The following PAX3 variants were observed in gnomAD, a reference collection of about 807,000 sequenced individuals.
The protein encoded by PAX3 is paired box 3, also known as paired box protein Pax-3.
A neutral mutation model predicts 51.6 loss-of-function variants in PAX3; 14 were observed. That is an observed-to-expected ratio of 0.27 (90% CI 0.18 to 0.42). The LOEUF is 0.42. PAX3 is among the 10% of genes least tolerant of loss of function. The pLI is 1.00. For synonymous variants in PAX3, 280 were observed against 253.4 expected (o/e 1.11, Z -1.00); for missense variants, 540 against 642.8 (o/e 0.84, Z 1.73).
chr2:222,209,648 C>T lies in PAX3; in HGVS notation c.1174-7458G>A, dbSNP rs974237416. Reference sequence around the variant, plus strand: ...GCTGAGGCCAGAGAATGGCTTGAGCCCAGGAGTTCAAGACTAACCTAGTCA... The same window carrying T: ...GCTGAGGCCAGAGAATGGCTTGAGCTCAGGAGTTCAAGACTAACCTAGTCA... On this transcript the variant is annotated intron_variant, in intron 7 of 8. Coordinates refer to ENST00000392070, the MANE Select transcript of PAX3 (RefSeq NM_181458.4). Among the ~76,000 whole-genome samples, 5 of 123,800 alleles carry T rather than the reference C, an allele frequency of 4.0e-5. No individual in the cohort carries two copies. In the East Asian group the frequency reaches 1.4e-3, roughly 34 times the overall value. 81.2% of individuals were successfully genotyped at this position (123,800 alleles called of 152,430 possible). A position where few individuals can be genotyped will look rare whatever the true frequency, so the allele number is the denominator to read the frequency against.
chr2:222,260,620 C>T (rs1341030472), intron 4 of PAX3, among the ~76,000 whole-genome samples: 4 of 105,198 alleles, frequency 3.8e-5, no homozygotes, highest in Non-Finnish European at 7.2e-5. Flanking sequence ...GAGGCAAAGT[C>T]TCTCTCTGTT....
At chr2:222,221,952 G>A (rs758351969) in intron 5 of PAX3, among the ~76,000 whole-genome samples, 1 of 151,598 alleles carries the variant, frequency 6.6e-6, no homozygotes, top group South Asian at 2.1e-4. Context: ...TGATCTCGGT[G>A]GAAATAAATG....
At chr2:222,257,582 A>T (rs1048046283) in intron 4 of PAX3, among the ~76,000 whole-genome samples, 5 of 152,228 alleles carry the variant, frequency 3.3e-5, no homozygotes, top group African/African-American at 1.2e-4. Context: ...GTGTTGAAAA[A>T]GTCATCTAAA....
intron 4 of PAX3, among the ~76,000 whole-genome samples, chr2:222,252,544 T>A (rs2106127975): frequency 6.6e-6 from 1 of 152,292 alleles, no homozygotes; most frequent in East Asian, 1.9e-4. Flanking sequence ...CACATTCCGT[T>A]ACCACCAAAG....
chr2:222,216,805 C>T (rs1691979077), intron 7 of PAX3, among the ~76,000 whole-genome samples: 1 of 152,136 alleles, frequency 6.6e-6, no homozygotes, highest in Middle Eastern at 3.2e-3. Flanking sequence ...GCCCACTCTA[C>T]AATCATTCAC....
chr2:222,240,509 C>T (rs1026120317), intron 4 of PAX3, among the ~76,000 whole-genome samples: 3 of 152,158 alleles, frequency 2.0e-5, no homozygotes, highest in Non-Finnish European at 4.4e-5. Context: ...ACAAGAAAGG[C>T]TTATTTCTCC....
intron 4 of PAX3, among the ~76,000 whole-genome samples, chr2:222,255,704 C>T (rs983237063): frequency 6.6e-6 from 1 of 151,820 alleles, no homozygotes; most frequent in Non-Finnish European, 1.5e-5. Context: ...CGTGATCTGT[C>T]ATATTTAGCA....
chr2:222,255,782 CTT>C (rs71781283), intron 4 of PAX3, among the ~76,000 whole-genome samples: 11,491 of 136,340 alleles, frequency 0.084, 459 homozygotes, highest in East Asian at 0.23. Flanking sequence ...CAATTATATT[CTT>C]TTTTTTTTTT....
chr2:222,216,408 A>G (rs1241909822), intron 7 of PAX3, among the ~76,000 whole-genome samples: 2 of 152,204 alleles, frequency 1.3e-5, no homozygotes, highest in Non-Finnish European at 2.9e-5. Context: ...AGACCCTTTC[A>G]GCAACTTGAG....
intron 4 of PAX3, among the ~76,000 whole-genome samples, chr2:222,268,933 A>G (rs946143117): frequency 6.6e-6 from 1 of 151,888 alleles, no homozygotes; most frequent in Non-Finnish European, 1.5e-5. Context: ...CTACTCCTTT[A>G]TGTATATATG....
intron 5 of PAX3, among the ~76,000 whole-genome samples, chr2:222,229,653 G>A (rs1253115789): frequency 1.3e-5 from 2 of 152,016 alleles, no homozygotes; most frequent in African/African-American, 2.4e-5. Flanking sequence ...ACCTCCATAG[G>A]ATATCCTCAG....
intron 4 of PAX3, among the ~76,000 whole-genome samples, chr2:222,247,250 G>A (rs1220875087): frequency 6.6e-6 from 1 of 152,184 alleles, no homozygotes; most frequent in Non-Finnish European, 1.5e-5. Context: ...GGATGAGAGT[G>A]TGAATGGCTG....
intron 4 of PAX3, chr2:222,287,226 G>A (rs1324315682): frequency 6.6e-6 from 1 of 152,168 alleles, no homozygotes; most frequent in East Asian, 1.9e-4. Context: ...TGGCCATTAG[G>A]GGATTAGTCT....
At chr2:222,253,992 C>T (rs1281809988) in intron 4 of PAX3, among the ~76,000 whole-genome samples, 2 of 152,160 alleles carry the variant, frequency 1.3e-5, no homozygotes, top group African/African-American at 4.8e-5. Flanking sequence ...AATTTACATT[C>T]ATTTATTCAC....
intron 4 of PAX3, among the ~76,000 whole-genome samples, chr2:222,288,727 T>C (rs575348747): frequency 6.6e-6 from 1 of 152,222 alleles, no homozygotes; most frequent in South Asian, 2.1e-4. Context: ...GAAATCACGA[T>C]AGGATAATTA....
At chr2:222,272,004 A>G (rs1023899743) in intron 4 of PAX3, among the ~76,000 whole-genome samples, 4 of 152,172 alleles carry the variant, frequency 2.6e-5, no homozygotes, top group African/African-American at 9.7e-5. Context: ...TCTCTCCTGA[A>G]GGTTTCACTT....
chr2:222,298,670 C>T lies in PAX3; in HGVS notation c.-55G>A, dbSNP rs1574775903. 1 of 1,497,774 alleles carries T rather than the reference C, an allele frequency of 6.7e-7. No individual in the cohort carries two copies. Among genetic ancestry groups the T allele is most frequent in the Non-Finnish European group, 9.1e-7 (1 of 1,096,924 alleles). The allele number at this position is 1,497,774 out of a possible 1,614,324, so 92.8% of individuals were successfully genotyped here. ...TCCAGGTGAAGGCGAAACGGAAAGG[C>T]GAGTGCGGCGCGGATGACCCTCGGG... On this transcript the variant is annotated 5_prime_UTR_variant, in exon 1 of 9. Coordinates refer to ENST00000392070, the MANE Select transcript of PAX3 (RefSeq NM_181458.4).
chr2:222,262,917 C>T (rs1693918910), intron 4 of PAX3: 1 of 152,134 alleles, frequency 6.6e-6, no homozygotes, highest in Non-Finnish European at 1.5e-5. Context: ...AACAGTTAGA[C>T]ATACAGATGC....
chr2:222,236,033 C>T (rs1692785914), intron 4 of PAX3, among the ~76,000 whole-genome samples: 1 of 152,186 alleles, frequency 6.6e-6, no homozygotes, highest in African/African-American at 2.4e-5. Flanking sequence ...TATGAAGCCA[C>T]AATCTTACAA....
Sources: gnomAD v4.1 joint callset for allele counts (sites outside exome capture counted in the v4.1 genomes callset) on GRCh38, gnomAD v4.1.1 for gene constraint, MANE v1.5 for transcripts, NCBI Gene and HGNC (gene_info 2026-07-23, HGNC 2026-07-21) for gene names.